TMED3: variants seen among roughly 807,000 people sequenced by gnomAD.
The protein encoded by TMED3 is transmembrane emp24 domain-containing protein 3.
Under a neutral mutation model 15.0 loss-of-function variants are expected in TMED3, and 9 were observed. The ratio of observed to expected loss-of-function variants is 0.60; its 90% CI spans 0.36 to 1.04. The LOEUF (loss-of-function observed/expected upper bound fraction) is 1.04. Ranked by LOEUF, TMED3 falls within the 50% of genes least tolerant of loss-of-function variation. The pLI is 0.01. For synonymous variants in TMED3, 117 were observed against 121.4 expected (o/e 0.96, Z 0.24); for missense variants, 267 against 278.9 (o/e 0.96, Z 0.30).
chr15:79,311,434 G>T lies in TMED3; in HGVS notation c.168+17G>T. 6.3e-7 allele frequency: 1 copy of T among 1,595,472 alleles called. No individual in the cohort carries two copies. Among genetic ancestry groups the T allele is most frequent in the South Asian group, 1.1e-5 (1 of 88,070 alleles). ...GATTACCAGGTGAGGCCGGGCGCCC[G>T]GCAGCGCTCCCTTCTCCCTCCACTC... On this transcript the variant is annotated intron_variant, in intron 1 of 2. Transcript: ENST00000299705.
intron 2 of TMED3, among the ~76,000 whole-genome samples, chr15:79,332,110 A>G (rs1355202033): frequency 6.6e-6 from 1 of 152,226 alleles, no homozygotes; most frequent in Non-Finnish European, 1.5e-5. Context: ...TTCCAGGGAA[A>G]TAACCAAATG....
chr15:79,322,083 C>T lies in TMED3; in HGVS notation c.523C>T (p.Leu175Phe), dbSNP rs1200229506. The change falls in exon 3 of 3, where the codon CTT becomes TTT. Residue 175 changes from leucine to phenylalanine, a missense_variant. By Grantham distance (22) the Leu-to-Phe change is conservative. Coordinates refer to ENST00000299705, the MANE Select transcript of TMED3 (RefSeq NM_007364.4). ...EAQDRARAEDLNSRVSYWSVG... is the reference protein window; with the variant it reads ...EAQDRARAEDFNSRVSYWSVG... Reference sequence around the variant, plus strand: ...CCAGGACCGGGCCCGAGCAGAAGACCTTAATAGCCGAGTCTCTTACTGGTC... The same window carrying T: ...CCAGGACCGGGCCCGAGCAGAAGACTTTAATAGCCGAGTCTCTTACTGGTC... 1 of 1,614,222 alleles carries T rather than the reference C, an allele frequency of 6.2e-7. No individual in the cohort carries two copies. The highest frequency in any genetic ancestry group is 1.7e-5 in the Admixed American group (1 of 60,032).
At chr15:79,373,478 C>A (rs1893376661) in intron 2 of TMED3, among the ~76,000 whole-genome samples, 2 of 152,182 alleles carry the variant, frequency 1.3e-5, no homozygotes, top group Admixed American at 1.3e-4. Context: ...TTCATTCCTG[C>A]AAATGAACAG....
chr15:79,376,092 GTTTTTTTTTTTTTTTTT>G (rs199728545), intron 2 of TMED3, among the ~76,000 whole-genome samples: 85 of 112,080 alleles, frequency 7.6e-4, no homozygotes, highest in African/African-American at 2.9e-3. Context: ...CTAGAGAAAG[GTTTTTTTTTTTTTTTTT>G]TTTTTTTTTT....
chr15:79,357,464 CAAAAAA>C (rs59897659), intron 2 of TMED3, among the ~76,000 whole-genome samples: 38 of 87,716 alleles, frequency 4.3e-4, no homozygotes, highest in South Asian at 2.1e-3. Flanking sequence ...CACCCTGCCT[CAAAAAA>C]AAAAAAAAAA....
At chr15:79,331,664 A>T (rs147496716) in intron 2 of TMED3, among the ~76,000 whole-genome samples, 29 of 152,280 alleles carry the variant, frequency 1.9e-4, no homozygotes, top group Non-Finnish European at 1.8e-4. Context: ...CAGATAAAGG[A>T]TTAATATCCA....
chr15:79,325,927 C>T (rs1324402710), downstream of TMED3, among the ~76,000 whole-genome samples: 2 of 152,116 alleles, frequency 1.3e-5, no homozygotes, highest in African/African-American at 2.4e-5. Flanking sequence ...TGAATGGTGC[C>T]CACCCACATT....
intron 2 of TMED3, among the ~76,000 whole-genome samples, chr15:79,329,187 T>G (rs1433820269): frequency 6.6e-6 from 1 of 152,238 alleles, no homozygotes; most frequent in East Asian, 1.9e-4. Flanking sequence ...GTTCCCTTCC[T>G]TCCCTTAAAC....
At chr15:79,371,236 T>A (rs2141245283) in intron 2 of TMED3, among the ~76,000 whole-genome samples, 1 of 152,334 alleles carries the variant, frequency 6.6e-6, no homozygotes, top group South Asian at 2.1e-4. Flanking sequence ...TAGGTTTAGA[T>A]GACATGATGT....
chr15:79,354,974 C>G (rs2058912997), intron 2 of TMED3, among the ~76,000 whole-genome samples: 1 of 152,134 alleles, frequency 6.6e-6, no homozygotes, highest in Non-Finnish European at 1.5e-5. Context: ...GCAGCAAAGG[C>G]CAGGACGAAT....
intron 2 of TMED3, among the ~76,000 whole-genome samples, chr15:79,376,948 G>A (rs1222217481): frequency 6.6e-6 from 1 of 152,058 alleles, no homozygotes; most frequent in Admixed American, 6.5e-5. Flanking sequence ...TTCAGTCAGT[G>A]GGAGGTGGGG....
chr15:79,320,242 C>G (rs1406060392), intron 2 of TMED3, among the ~76,000 whole-genome samples: 1 of 152,202 alleles, frequency 6.6e-6, no homozygotes, highest in Non-Finnish European at 1.5e-5. Context: ...GTCTTCTGGT[C>G]ACTTCTCACT....
chr15:79,377,990 T>C (rs1006354733), intron 2 of TMED3, among the ~76,000 whole-genome samples: 3 of 152,244 alleles, frequency 2.0e-5, no homozygotes, highest in Non-Finnish European at 4.4e-5. Context: ...ATCATCCTTT[T>C]ATTTGCTTGA....
intron 2 of TMED3, among the ~76,000 whole-genome samples, chr15:79,344,693 G>C (rs2058862822): frequency 6.6e-6 from 1 of 152,112 alleles, no homozygotes; most frequent in Non-Finnish European, 1.5e-5. Flanking sequence ...TGAATTTGGG[G>C]GAACCTCATT....
At chr15:79,353,123 TATATATAAAATATATAAAAA>T (rs1437640586) in intron 2 of TMED3, among the ~76,000 whole-genome samples, 1 of 81,364 alleles carries the variant, frequency 1.2e-5, no homozygotes, top group Non-Finnish European at 2.1e-5. Context: ...ATATATATAA[TATATATAAAATATATAAAAA>T]ATATATAAAA....
intron 2 of TMED3, among the ~76,000 whole-genome samples, chr15:79,368,427 C>G (rs1334552937): frequency 6.6e-6 from 1 of 152,098 alleles, no homozygotes; most frequent in Non-Finnish European, 1.5e-5. Context: ...GGGTTTGCTT[C>G]TTGCTGTGAG....
intron 2 of TMED3, among the ~76,000 whole-genome samples, chr15:79,320,383 C>A (rs745692793): frequency 5.3e-5 from 8 of 151,998 alleles, no homozygotes; most frequent in Non-Finnish European, 8.8e-5. Context: ...CATATATAAT[C>A]CTATCTATGA....
chr15:79,391,917 G>A (rs943852942), intron 2 of TMED3, among the ~76,000 whole-genome samples: 1 of 152,062 alleles, frequency 6.6e-6, no homozygotes, highest in Non-Finnish European at 1.5e-5. Context: ...CTTACTTTTG[G>A]TGTCCATTTG....
downstream of TMED3, among the ~76,000 whole-genome samples, chr15:79,326,914 G>C (rs1453417459): frequency 6.6e-6 from 1 of 152,186 alleles, no homozygotes; most frequent in Non-Finnish European, 1.5e-5. Flanking sequence ...GCAGGTGGGG[G>C]CATCTGGTGA....
Sources: gnomAD v4.1 joint callset for allele counts (sites outside exome capture counted in the v4.1 genomes callset) on GRCh38, gnomAD v4.1.1 for gene constraint, MANE v1.5 for transcripts, NCBI Gene and HGNC (gene_info 2026-07-23, HGNC 2026-07-21) for gene names.